LSAMP: variants seen among roughly 807,000 people sequenced by gnomAD.
The protein encoded by LSAMP is limbic system-associated membrane protein.
Under a neutral mutation model 38.6 loss-of-function variants are expected in LSAMP, and 7 were observed. That is an observed-to-expected ratio of 0.18 (90% CI 0.10 to 0.34). The LOEUF (loss-of-function observed/expected upper bound fraction) is 0.34, where lower values mean the gene tolerates loss of function less well. Among genes scored for constraint, LSAMP ranks in the 10% least tolerant of loss-of-function variants. LSAMP has a pLI of 1.00. For missense variants in LSAMP, 313 were observed against 420.0 expected, an observed-to-expected ratio of 0.75 and a Z score of 2.23; for synonymous variants, 154 against 166.8, an observed-to-expected ratio of 0.92 and a Z score of 0.59.
chr3:116,150,371 C>T (rs1447745176), intron 1 of LSAMP, among the ~76,000 whole-genome samples: 1 of 152,024 alleles, frequency 6.6e-6, no homozygotes, highest in Non-Finnish European at 1.5e-5. Flanking sequence ...ATAATTGTCT[C>T]TAACACCTAT....
intron 1 of LSAMP, among the ~76,000 whole-genome samples, chr3:116,130,948 T>C (rs1709113786): frequency 1.3e-5 from 2 of 151,800 alleles, no homozygotes; most frequent in Non-Finnish European, 2.9e-5. Flanking sequence ...TCAAAATTCA[T>C]TCACTTCACT....
intron 6 of LSAMP, among the ~76,000 whole-genome samples, chr3:115,815,681 A>G (rs1350795561): frequency 3.9e-5 from 6 of 152,262 alleles, no homozygotes; most frequent in Admixed American, 3.3e-4. Flanking sequence ...TATCAAAGCC[A>G]TAATGTATCA....
At chr3:116,009,443 T>C (rs1472460588) in intron 3 of LSAMP, among the ~76,000 whole-genome samples, 3 of 152,164 alleles carry the variant, frequency 2.0e-5, no homozygotes, top group Non-Finnish European at 4.4e-5. Flanking sequence ...AGTGTCATCA[T>C]TCTGTTCACC....
intron 1 of LSAMP, among the ~76,000 whole-genome samples, chr3:116,235,008 T>C (rs1385559444): frequency 7.0e-6 from 1 of 142,186 alleles, no homozygotes; most frequent in East Asian, 2.1e-4. Context: ...TGAACTTTTT[T>C]TATGTAGCAT....
chr3:115,819,355 A>C (rs1357056882), intron 6 of LSAMP, among the ~76,000 whole-genome samples: 1 of 151,902 alleles, frequency 6.6e-6, no homozygotes, highest in Admixed American at 6.6e-5. Context: ...GAATCGCTTG[A>C]ACCTGGAGGG....
chr3:116,065,669 T>C (rs1707410664), intron 2 of LSAMP, among the ~76,000 whole-genome samples: 1 of 152,238 alleles, frequency 6.6e-6, no homozygotes, highest in Non-Finnish European at 1.5e-5. Context: ...GTATTTTGTC[T>C]CAGCAGTTTC....
chr3:116,208,478 T>G (rs971446778), intron 1 of LSAMP, among the ~76,000 whole-genome samples: 2 of 152,276 alleles, frequency 1.3e-5, no homozygotes, highest in African/African-American at 4.8e-5. Flanking sequence ...AGAAGCGCTC[T>G]GCTTTTTAGA....
intron 1 of LSAMP, among the ~76,000 whole-genome samples, chr3:116,416,742 A>T (rs1285654424): frequency 6.6e-6 from 1 of 151,812 alleles, no homozygotes; most frequent in Non-Finnish European, 1.5e-5. Context: ...GTGATTTATC[A>T]CCTCCTGGGT....
intron 1 of LSAMP, among the ~76,000 whole-genome samples, chr3:116,444,223 T>C (rs2049472454): frequency 6.6e-6 from 1 of 152,162 alleles, no homozygotes; most frequent in Non-Finnish European, 1.5e-5. Flanking sequence ...TGTTGATTTA[T>C]ATCCACATTC....
At chr3:116,227,668 CT>C (rs11357383) in intron 1 of LSAMP, among the ~76,000 whole-genome samples, 76,721 of 151,526 alleles carry the variant, frequency 0.51, 21,731 homozygotes, top group East Asian at 0.75. Context: ...TCCGTAGTTC[CT>C]TTTTTTTCCC....
At chr3:115,862,185 G>A (rs981392185) in intron 3 of LSAMP, among the ~76,000 whole-genome samples, 1 of 152,168 alleles carries the variant, frequency 6.6e-6, no homozygotes, top group African/African-American at 2.4e-5. Context: ...AGAACTGTGG[G>A]GGTATTACCA....
At chr3:116,423,101 A>G (rs1017487292) in intron 1 of LSAMP, among the ~76,000 whole-genome samples, 3 of 152,262 alleles carry the variant, frequency 2.0e-5, no homozygotes, top group African/African-American at 7.2e-5. Context: ...AAAGGTATAA[A>G]CAAACAGATT....
At chr3:116,038,435 G>C (rs1370843999) in intron 2 of LSAMP, among the ~76,000 whole-genome samples, 1 of 152,078 alleles carries the variant, frequency 6.6e-6, no homozygotes, top group Non-Finnish European at 1.5e-5. Flanking sequence ...CCTCTCTCTG[G>C]ACATACACTT....
chr3:116,300,837 C>A (rs2047397702), intron 1 of LSAMP, among the ~76,000 whole-genome samples: 1 of 152,106 alleles, frequency 6.6e-6, no homozygotes, highest in Non-Finnish European at 1.5e-5. Context: ...CATCTCATCA[C>A]ATAAGTCGGC....
chr3:116,078,043 G>T (rs930016258), intron 2 of LSAMP, among the ~76,000 whole-genome samples: 1 of 152,172 alleles, frequency 6.6e-6, no homozygotes, highest in African/African-American at 2.4e-5. Context: ...TATTGTGTCA[G>T]TTAGGTTGTA....
At chr3:116,317,394 C>G (rs925805380) in intron 1 of LSAMP, among the ~76,000 whole-genome samples, 1 of 149,278 alleles carries the variant, frequency 6.7e-6, no homozygotes, top group African/African-American at 2.5e-5. Flanking sequence ...CTCGCTCTGT[C>G]TCCCAGGCTG....
chr3:115,852,085 G>A (rs1280069018), intron 4 of LSAMP, among the ~76,000 whole-genome samples: 3 of 152,152 alleles, frequency 2.0e-5, no homozygotes, highest in Non-Finnish European at 4.4e-5. Flanking sequence ...ATAATCTTGA[G>A]GCATTCCCTC....
At chr3:116,127,695 A>ATTTTTTTTTTT (rs67470158) in intron 1 of LSAMP, among the ~76,000 whole-genome samples, 3 of 96,652 alleles carry the variant, frequency 3.1e-5, no homozygotes, top group Admixed American at 2.4e-4. Flanking sequence ...GTGTTTGTTC[A>ATTTTTTTTTTT]TTTTTTTTTT....
intron 1 of LSAMP, among the ~76,000 whole-genome samples, chr3:116,269,651 C>T (rs910578380): frequency 7.2e-5 from 11 of 152,154 alleles, no homozygotes; most frequent in Non-Finnish European, 1.5e-4. Flanking sequence ...CAAACCAGGA[C>T]GCTTCTGAGA....
Sources: gnomAD v4.1 joint callset for allele counts (sites outside exome capture counted in the v4.1 genomes callset) on GRCh38, gnomAD v4.1.1 for gene constraint, MANE v1.5 for transcripts, NCBI Gene and HGNC (gene_info 2026-07-23, HGNC 2026-07-21) for gene names.